Variants in DLGAP4 observed in about 807,000 individuals in gnomAD.
DLGAP4 encodes the protein disks large-associated protein 4.
A neutral mutation model predicts 86.9 loss-of-function variants in DLGAP4; 18 were observed. The observed-to-expected ratio is 0.21, with a 90% CI of 0.14 to 0.31. The LOEUF (loss-of-function observed/expected upper bound fraction) is 0.31. Ranked by LOEUF, DLGAP4 falls within the 10% of genes least tolerant of loss-of-function variation. The pLI is 1.00. For missense variants in DLGAP4, 1,085 were observed against 1,362.6 expected (o/e 0.80, Z 3.21); for synonymous variants, 548 against 574.3 (o/e 0.95, Z 0.65).
At chr20:36,454,966 C>A (rs983983421) in intron 7 of DLGAP4, among the ~76,000 whole-genome samples, 10 of 152,164 alleles carry the variant, frequency 6.6e-5, no homozygotes, top group Admixed American at 6.5e-4. Flanking sequence ...GACTGGCAGG[C>A]GGGGTCAGCT....
chr20:36,464,505 G>C (rs981359139), intron 7 of DLGAP4, among the ~76,000 whole-genome samples: 14 of 151,956 alleles, frequency 9.2e-5, no homozygotes, highest in African/African-American at 3.1e-4. Flanking sequence ...AGGAGGTCGA[G>C]ACTGCAGTGA....
chr20:36,315,698 C>G (rs1022100316), intron 1 of DLGAP4, among the ~76,000 whole-genome samples: 4 of 152,088 alleles, frequency 2.6e-5, no homozygotes, highest in African/African-American at 9.7e-5. Flanking sequence ...TCTCAGCCTC[C>G]TCTTGTGTGG....
chr20:36,349,935 T>C (rs1056166861), intron 1 of DLGAP4, among the ~76,000 whole-genome samples: 1 of 152,162 alleles, frequency 6.6e-6, no homozygotes, highest in Non-Finnish European at 1.5e-5. Context: ...GACTGCCATA[T>C]ACTCCCAACC....
intron 3 of DLGAP4, among the ~76,000 whole-genome samples, chr20:36,435,079 G>T (rs1029225575): frequency 7.1e-6 from 1 of 141,332 alleles, no homozygotes; most frequent in African/African-American, 3.1e-5. Context: ...GCATACTTGT[G>T]GGGGGGGGTT....
chr20:36,477,993 G>A (rs954776891), intron 7 of DLGAP4, among the ~76,000 whole-genome samples: 3 of 152,200 alleles, frequency 2.0e-5, no homozygotes, highest in African/African-American at 7.2e-5. Flanking sequence ...ATAGATGTTT[G>A]CTTTTCCGTC....
intron 1 of DLGAP4, among the ~76,000 whole-genome samples, chr20:36,365,931 C>G (rs1267275140): frequency 6.6e-6 from 1 of 152,184 alleles, no homozygotes; most frequent in Non-Finnish European, 1.5e-5. Flanking sequence ...GTCCCCACAC[C>G]AGCTAGGCTT....
At chr20:36,325,541 A>G (rs1479149424) in intron 1 of DLGAP4, among the ~76,000 whole-genome samples, 1 of 152,168 alleles carries the variant, frequency 6.6e-6, no homozygotes, top group Non-Finnish European at 1.5e-5. Flanking sequence ...AGAGAGAGCT[A>G]TAGACATCTC....
intron 1 of DLGAP4, among the ~76,000 whole-genome samples, chr20:36,313,854 G>C (rs1448794433): frequency 6.6e-6 from 1 of 152,170 alleles, no homozygotes; most frequent in Non-Finnish European, 1.5e-5. Flanking sequence ...CTGGGCAACT[G>C]TGCACCTCCC....
Position 36,462,045 on chromosome 20 carries a change from C to A in DLGAP4, c.1648+15108C>A, listed in dbSNP as rs376137757. 40 of 987,380 alleles carry A rather than the reference C, an allele frequency of 4.1e-5. No homozygotes were observed. The East Asian group carries it at 4.2e-3, about 104-fold the overall frequency. The allele number at this position is 987,380 out of a possible 1,614,324, so 61.2% of individuals were successfully genotyped here. A position where few individuals can be genotyped will look rare whatever the true frequency, so the allele number is the denominator to read the frequency against. ...CCTTCCACTCTCCCCAAGGGCTCCC[C>A]GTGAGTTTCTTGCACATCCTTTGGG... On this transcript the variant is annotated intron_variant, in intron 7 of 12. Transcript: ENST00000339266.
chr20:36,431,502 G>C lies in DLGAP4; in HGVS notation c.-72-144G>C, dbSNP rs1600520102. The stretch of plus-strand genomic sequence containing the variant: ...TTATACACAGAGTACGTGGGCCTCG[G>C]TGTGTACTCCTGTCCTCAGGCCCAC... On this transcript the variant is annotated intron_variant, in intron 2 of 12. Coordinates refer to ENST00000339266, the MANE Select transcript of DLGAP4 (RefSeq NM_001365621.2). This position sits in a 1 kb window ranked among gnomAD's most constrained non-coding sequence, Gnocchi z 5.1. The C allele has an allele frequency of 1.8e-6, 1 of 556,018 alleles. No homozygotes were observed. Among genetic ancestry groups the C allele is most frequent in the Non-Finnish European group, 3.1e-6 (1 of 320,198 alleles). 34.4% of individuals were successfully genotyped at this position (556,018 alleles called of 1,614,324 possible).
At chr20:36,339,916 G>A (rs1412928933) in intron 1 of DLGAP4, among the ~76,000 whole-genome samples, 4 of 152,202 alleles carry the variant, frequency 2.6e-5, no homozygotes, top group Non-Finnish European at 5.9e-5. Context: ...CCTGAGCTCT[G>A]GACCTCCGGC....
chr20:36,417,085 G>A (rs1049433325), intron 2 of DLGAP4, among the ~76,000 whole-genome samples: 1 of 152,188 alleles, frequency 6.6e-6, no homozygotes, highest in Non-Finnish European at 1.5e-5. Context: ...GATAATCAGA[G>A]ACCCTGGTCA....
chr20:36,394,943 T>A (rs2031902512), intron 2 of DLGAP4, among the ~76,000 whole-genome samples: 1 of 152,098 alleles, frequency 6.6e-6, no homozygotes, highest in Admixed American at 6.5e-5. Flanking sequence ...AATGCCTCAC[T>A]GGGGGATTCA....
At chr20:36,485,351 C>CA (rs548217372) in intron 7 of DLGAP4, among the ~76,000 whole-genome samples, 3,949 of 75,498 alleles carry the variant, frequency 0.052, 94 homozygotes, top group East Asian at 0.12. Context: ...GACCCTGTCC[C>CA]AAAAAAAAAA....
chr20:36,353,595 A>G (rs1347020934), intron 1 of DLGAP4, among the ~76,000 whole-genome samples: 1 of 152,246 alleles, frequency 6.6e-6, no homozygotes, highest in African/African-American at 2.4e-5. Flanking sequence ...CAGGGGGCCC[A>G]GGAGCCGTAC....
At chr20:36,384,816 AAAG>A (rs1184364974) in intron 2 of DLGAP4, among the ~76,000 whole-genome samples, 1 of 152,210 alleles carries the variant, frequency 6.6e-6, no homozygotes, top group East Asian at 1.9e-4. Context: ...ATTGTGTGGA[AAAG>A]AAGAAAGTGC....
At chr20:36,422,215 C>T (rs1569494038) in intron 2 of DLGAP4, among the ~76,000 whole-genome samples, 1 of 152,142 alleles carries the variant, frequency 6.6e-6, no homozygotes, top group South Asian at 2.1e-4. Context: ...AGAATGTGTC[C>T]TCCATGGACT....
intron 1 of DLGAP4, among the ~76,000 whole-genome samples, chr20:36,313,491 G>A (rs1237532269): frequency 1.3e-5 from 2 of 152,110 alleles, no homozygotes; most frequent in African/African-American, 2.4e-5. Context: ...GTACTGTGAG[G>A]GCTGGGCTGT....
intron 10 of DLGAP4, among the ~76,000 whole-genome samples, chr20:36,506,660 A>G (rs568735529): frequency 6.6e-6 from 1 of 152,344 alleles, no homozygotes; most frequent in East Asian, 1.9e-4. Context: ...ATTTTTCTGA[A>G]TTGTGGTTAA....
Sources: allele counts gnomAD v4.1 joint callset (sites outside exome capture counted in the v4.1 genomes callset), GRCh38; gene constraint gnomAD v4.1.1; non-coding constraint Gnocchi (gnomAD v3.1); transcripts MANE v1.5; gene names NCBI Gene and HGNC (gene_info 2026-07-23, HGNC 2026-07-21).